DDX10: variants seen among roughly 807,000 people sequenced by gnomAD.
DDX10 encodes the protein probable ATP-dependent RNA helicase DDX10.
Under a neutral mutation model 104.3 loss-of-function variants are expected in DDX10, and 74 were observed. The observed-to-expected ratio is 0.71, with a 90% CI of 0.59 to 0.86. The LOEUF is 0.86. Ranked by LOEUF, DDX10 falls within the 40% of genes least tolerant of loss-of-function variation. DDX10 has a pLI of 0.00. For synonymous variants in DDX10, 351 were observed against 353.4 expected, an observed-to-expected ratio of 0.99 and a Z score of 0.08; for missense variants, 952 against 1,040.0, an observed-to-expected ratio of 0.92 and a Z score of 1.16.
intron 16 of DDX10, among the ~76,000 whole-genome samples, chr11:108,902,776 C>A (rs1160414514): frequency 6.6e-6 from 1 of 151,888 alleles, no homozygotes; most frequent in African/African-American, 2.4e-5. Context: ...TCTAATTTTT[C>A]TCTTATTGTG....
chr11:108,735,003 A>G (rs527678765), intron 13 of DDX10, among the ~76,000 whole-genome samples: 1 of 152,220 alleles, frequency 6.6e-6, no homozygotes, highest in East Asian at 1.9e-4. Flanking sequence ...TAATGGGAGG[A>G]CTGTCTTTGT....
intron 8 of DDX10, 121 bp downstream of exon 8, chr11:108,692,159 G>A: frequency 1.1e-6 from 1 of 889,804 alleles, no homozygotes; most frequent in Non-Finnish European, 1.6e-6. Context: ...TTTTGTAAGA[G>A]AAAAGTAAGT....
At chr11:108,840,141 A>G (rs1326736270) in intron 14 of DDX10, among the ~76,000 whole-genome samples, 2 of 152,194 alleles carry the variant, frequency 1.3e-5, no homozygotes, top group African/African-American at 4.8e-5. Flanking sequence ...CATGATATTC[A>G]TATTGTTAAA....
chr11:108,815,567 T>C (rs78757717), intron 13 of DDX10, among the ~76,000 whole-genome samples: 3,516 of 152,308 alleles, frequency 0.023, 126 homozygotes, highest in African/African-American at 0.08. Context: ...ACTGTGTACT[T>C]GTATAATGTC....
At chr11:108,673,260 T>C (rs1022540147) in intron 1 of DDX10, among the ~76,000 whole-genome samples, 1 of 152,178 alleles carries the variant, frequency 6.6e-6, no homozygotes, top group African/African-American at 2.4e-5. Flanking sequence ...TCCTTACCAA[T>C]TGAAATGCTT....
intron 16 of DDX10, among the ~76,000 whole-genome samples, chr11:108,869,415 T>C (rs555611527): frequency 1.3e-5 from 2 of 152,258 alleles, no homozygotes; most frequent in South Asian, 2.1e-4. Flanking sequence ...CAGAAACATA[T>C]TTGAAATAAG....
intron 13 of DDX10, among the ~76,000 whole-genome samples, chr11:108,815,409 C>T (rs2134572047): frequency 6.6e-6 from 1 of 152,204 alleles, no homozygotes; most frequent in Middle Eastern, 3.4e-3. Flanking sequence ...GTTCTGCAGT[C>T]CAGTCAGTGC....
intron 13 of DDX10, among the ~76,000 whole-genome samples, chr11:108,744,680 A>G (rs1208972094): frequency 1.3e-5 from 2 of 152,296 alleles, no homozygotes; most frequent in East Asian, 3.9e-4. Context: ...AAAAAGTTAG[A>G]CTTGTCAGCC....
chr11:108,936,829 T>C (rs1259345809), intron 17 of DDX10, among the ~76,000 whole-genome samples: 1 of 152,134 alleles, frequency 6.6e-6, no homozygotes, highest in Admixed American at 6.5e-5. Context: ...AGAAGAAAAA[T>C]TGCCAGGAAT....
At chr11:108,911,301 G>A (rs1863674302) in intron 16 of DDX10, among the ~76,000 whole-genome samples, 1 of 152,116 alleles carries the variant, frequency 6.6e-6, no homozygotes. Context: ...ACCTTAGATT[G>A]GGGGTAATTT....
chr11:108,855,162 T>C (rs904816470), intron 16 of DDX10, among the ~76,000 whole-genome samples: 6 of 152,240 alleles, frequency 3.9e-5, no homozygotes, highest in Admixed American at 6.5e-5. Flanking sequence ...TGTCGTATAT[T>C]CTTATGACCT....
chr11:108,844,755 T>C (rs186849738), intron 15 of DDX10, among the ~76,000 whole-genome samples: 98 of 152,296 alleles, frequency 6.4e-4, no homozygotes, highest in African/African-American at 2.3e-3. Context: ...GAGTGGGACT[T>C]AGTGCCAGAT....
chr11:108,719,783 C>T lies in DDX10; in HGVS notation c.1411-14C>T. 4 of 1,505,670 alleles carry T rather than the reference C, an allele frequency of 2.7e-6. No homozygotes were observed. Among genetic ancestry groups the T allele is most frequent in the Non-Finnish European group, 3.7e-6 (4 of 1,087,168 alleles). 93.3% of individuals were successfully genotyped at this position (1,505,670 alleles called of 1,614,324 possible). Reference sequence around the variant, plus strand: ...TTTCTATTATATTGTACTTTTCAACCTCTTAATTTACAGTGTTTCGTCTCC... The same window carrying T: ...TTTCTATTATATTGTACTTTTCAACTTCTTAATTTACAGTGTTTCGTCTCC... On this transcript the variant is annotated splice_polypyrimidine_tract_variant and intron_variant, in intron 11 of 17. Transcript: ENST00000322536.
At chr11:108,881,650 T>C (rs1166369148) in intron 16 of DDX10, among the ~76,000 whole-genome samples, 3 of 152,164 alleles carry the variant, frequency 2.0e-5, no homozygotes, top group Admixed American at 1.3e-4. Flanking sequence ...TATTATAAAA[T>C]AGGCTTTATG....
At chr11:108,899,495 CT>C (rs528077626) in intron 16 of DDX10, among the ~76,000 whole-genome samples, 18,460 of 143,386 alleles carry the variant, frequency 0.13, 1,416 homozygotes, top group African/African-American at 0.23. Flanking sequence ...GCACAGCTAC[CT>C]TTTTTTTTTT....
intron 16 of DDX10, among the ~76,000 whole-genome samples, chr11:108,882,233 C>T (rs1420215348): frequency 6.6e-6 from 1 of 152,150 alleles, no homozygotes; most frequent in Admixed American, 6.5e-5. Flanking sequence ...ACCATAAAAC[C>T]TACATGAAAT....
At chr11:108,874,846 A>G (rs1446300978) in intron 16 of DDX10, among the ~76,000 whole-genome samples, 1 of 152,150 alleles carries the variant, frequency 6.6e-6, no homozygotes, top group African/African-American at 2.4e-5. Context: ...AATTAGTGAA[A>G]TGCTGCATTA....
chr11:108,723,501 T>C, intron 13 of DDX10, 39 bp downstream of exon 13: 1 of 1,557,562 alleles, frequency 6.4e-7, no homozygotes, highest in Non-Finnish European at 8.7e-7. Flanking sequence ...TATTACATTG[T>C]CTTACTATGT....
At chr11:108,915,171 C>T (rs911171671) in intron 16 of DDX10, among the ~76,000 whole-genome samples, 1 of 151,982 alleles carries the variant, frequency 6.6e-6, no homozygotes, top group East Asian at 1.9e-4. Context: ...TTGCAGAGTC[C>T]CAAGAAATAC....
Sources: allele counts gnomAD v4.1 joint callset (sites outside exome capture counted in the v4.1 genomes callset), GRCh38; gene constraint gnomAD v4.1.1; transcripts MANE v1.5; gene names NCBI Gene and HGNC (gene_info 2026-07-23, HGNC 2026-07-21).